NXPH1: variants seen among roughly 807,000 people sequenced by gnomAD.
NXPH1 encodes the protein neurexophilin 1.
NXPH1 carries 5 observed loss-of-function variants against 23.7 expected under a neutral mutation model. That is an observed-to-expected ratio of 0.21 (90% CI 0.11 to 0.44). The LOEUF is 0.44. Among genes scored for constraint, NXPH1 ranks in the 20% least tolerant of loss-of-function variants. NXPH1 has a pLI of 0.99. For missense variants in NXPH1, 324 were observed against 321.6 expected, an observed-to-expected ratio of 1.01 and a Z score of -0.06; for synonymous variants, 144 against 122.2, an observed-to-expected ratio of 1.18 and a Z score of -1.18.
intron 2 of NXPH1, among the ~76,000 whole-genome samples, chr7:8,615,964 C>T (rs1360825312): frequency 2.0e-5 from 3 of 151,924 alleles, no homozygotes; most frequent in Non-Finnish European, 2.9e-5. Flanking sequence ...CCTATTTTTG[C>T]CGTTATCTTC....
Position 8,434,345 on chromosome 7 carries a change from G to C in NXPH1, c.-521G>C, listed in dbSNP as rs1269768023. On this transcript the variant is annotated 5_prime_UTR_variant, in exon 1 of 3. Coordinates refer to ENST00000405863, the MANE Select transcript of NXPH1 (RefSeq NM_152745.3). The surrounding 1 kb of genome is among the most constrained non-coding windows in gnomAD (Gnocchi z 7.6). ...TCCTCAGGCAGCTGTGGGAAGCCGA[G>C]AGTCCTGGACTGTTCGTCCGGGTGC... is the stretch of plus-strand genomic sequence containing the variant. 1 of 153,356 alleles carries C rather than the reference G, an allele frequency of 6.5e-6. No homozygotes were observed. The highest frequency in any genetic ancestry group is 2.4e-5 in the African/African-American group (1 of 41,468). The allele number at this position is 153,356 out of a possible 1,614,324, so 9.5% of individuals were successfully genotyped here. A position where few individuals can be genotyped will look rare whatever the true frequency, so the allele number is the denominator to read the frequency against.
chr7:8,685,944 A>G (rs897090793), intron 2 of NXPH1, among the ~76,000 whole-genome samples: 2 of 152,182 alleles, frequency 1.3e-5, no homozygotes, highest in Admixed American at 6.6e-5. Context: ...AACACCAAGG[A>G]TAAATGCTTG....
rs536660406 is a variant in NXPH1 at position 8,550,463 on chromosome 7, C to CT, written c.54+114703dup. 3.3e-5 allele frequency among the ~76,000 whole-genome samples: 5 copies of CT among 151,630 alleles called. No individual in the cohort carries two copies. The South Asian group carries it at 6.2e-4, about 19-fold the overall frequency. ...GAGCCTGCACTTTCATTCCTGAAGT[C>CT]TTTTTTTCAGAGGCAAAGACACATG... On this transcript the variant is annotated intron_variant, in intron 2 of 2. Coordinates refer to ENST00000405863, the MANE Select transcript of NXPH1 (RefSeq NM_152745.3).
intron 2 of NXPH1, among the ~76,000 whole-genome samples, chr7:8,485,901 G>T (rs945671877): frequency 5.2e-4 from 79 of 152,242 alleles, no homozygotes; most frequent in African/African-American, 1.9e-3. Flanking sequence ...AACAGCAGCT[G>T]CCAGAACCAT....
intron 2 of NXPH1, among the ~76,000 whole-genome samples, chr7:8,456,642 A>G (rs182445785): frequency 5.9e-5 from 9 of 152,032 alleles, no homozygotes; most frequent in Non-Finnish European, 1.3e-4. Context: ...TTTTTTGTCT[A>G]TTTGATTTTG....
chr7:8,458,371 A>G (rs1474605101), intron 2 of NXPH1, among the ~76,000 whole-genome samples: 1 of 152,222 alleles, frequency 6.6e-6, no homozygotes, highest in African/African-American at 2.4e-5. Context: ...TAATTAACAC[A>G]TTGATAGAGA....
chr7:8,561,351 GACAC>G (rs61219039), intron 2 of NXPH1, among the ~76,000 whole-genome samples: 63 of 140,956 alleles, frequency 4.5e-4, no homozygotes, highest in Admixed American at 1.6e-3. Flanking sequence ...AAGCCTATGT[GACAC>G]ACACACACAC....
intron 2 of NXPH1, among the ~76,000 whole-genome samples, chr7:8,503,685 C>G (rs1391469672): frequency 1.3e-5 from 2 of 151,898 alleles, no homozygotes; most frequent in African/African-American, 2.4e-5. Flanking sequence ...TTGATCTTCT[C>G]TGTAACATTT....
chr7:8,545,715 A>G (rs1818188479), intron 2 of NXPH1, among the ~76,000 whole-genome samples: 1 of 151,564 alleles, frequency 6.6e-6, no homozygotes, highest in Non-Finnish European at 1.5e-5. Context: ...TAAAGAAATT[A>G]TAAATATCAA....
chr7:8,528,372 A>T (rs534691358), intron 2 of NXPH1, among the ~76,000 whole-genome samples: 1 of 152,262 alleles, frequency 6.6e-6, no homozygotes, highest in South Asian at 2.1e-4. Flanking sequence ...ATTGCAGGAG[A>T]ATGTGGTGGA....
chr7:8,561,494 C>T (rs578152345), intron 2 of NXPH1, among the ~76,000 whole-genome samples: 18 of 151,688 alleles, frequency 1.2e-4, no homozygotes, highest in African/African-American at 4.1e-4. Flanking sequence ...TTATTTTCAA[C>T]TCAACTGCCA....
chr7:8,519,653 C>A (rs550546887), intron 2 of NXPH1, among the ~76,000 whole-genome samples: 2 of 152,272 alleles, frequency 1.3e-5, no homozygotes, highest in East Asian at 3.9e-4. Flanking sequence ...CTTGTGCCTT[C>A]TTCTCTCTCT....
intron 2 of NXPH1, among the ~76,000 whole-genome samples, chr7:8,579,560 C>T (rs559764506): frequency 8.5e-5 from 13 of 152,058 alleles, no homozygotes; most frequent in South Asian, 4.1e-4. Context: ...TTAGCAGAGA[C>T]GGGGTTTCTC....
At chr7:8,747,336 G>A (rs955961160) in intron 2 of NXPH1, among the ~76,000 whole-genome samples, 55 of 152,156 alleles carry the variant, frequency 3.6e-4, no homozygotes, top group African/African-American at 1.3e-3. Flanking sequence ...GTCTGTCAGA[G>A]GAGTCTTAGC....
chr7:8,641,631 T>G (rs1419851497), intron 2 of NXPH1, among the ~76,000 whole-genome samples: 1 of 152,172 alleles, frequency 6.6e-6, no homozygotes, highest in East Asian at 1.9e-4. Context: ...TTTAAAAATT[T>G]CATTAGCCAT....
At chr7:8,576,825 G>T (rs1818764638) in intron 2 of NXPH1, among the ~76,000 whole-genome samples, 1 of 152,084 alleles carries the variant, frequency 6.6e-6, no homozygotes, top group Non-Finnish European at 1.5e-5. Context: ...GAGTTCATTA[G>T]ATTATAAACT....
intron 2 of NXPH1, among the ~76,000 whole-genome samples, chr7:8,560,856 TCTC>T (rs1249107046): frequency 6.6e-5 from 10 of 151,696 alleles, no homozygotes; most frequent in Admixed American, 2.6e-4. Context: ...AGAAGCTTGT[TCTC>T]CTTATCTGGT....
chr7:8,559,397 C>T (rs1818407116), intron 2 of NXPH1, among the ~76,000 whole-genome samples: 1 of 151,728 alleles, frequency 6.6e-6, no homozygotes, highest in East Asian at 2.0e-4. Flanking sequence ...ATTGGTAAGA[C>T]ATGCTTTTGC....
chr7:8,557,438 T>C (rs1584230547), intron 2 of NXPH1, among the ~76,000 whole-genome samples: 1 of 151,812 alleles, frequency 6.6e-6, no homozygotes, highest in East Asian at 2.0e-4. Flanking sequence ...CTTTGGGTCC[T>C]GTGACAGACT....
Sources: gnomAD v4.1 joint callset for allele counts (sites outside exome capture counted in the v4.1 genomes callset) on GRCh38, gnomAD v4.1.1 for gene constraint, Gnocchi (gnomAD v3.1) non-coding constraint, MANE v1.5 for transcripts, NCBI Gene and HGNC (gene_info 2026-07-23, HGNC 2026-07-21) for gene names.